Variants in GRM5 observed in about 807,000 individuals in gnomAD.
The protein encoded by GRM5 is metabotropic glutamate receptor 5.
A neutral mutation model predicts 83.1 loss-of-function variants in GRM5; 19 were observed. The observed-to-expected ratio is 0.23, with a 90% confidence interval of 0.16 to 0.34. The LOEUF (loss-of-function observed/expected upper bound fraction) is 0.34, where lower values mean the gene tolerates loss of function less well. Ranked by LOEUF, GRM5 falls within the 10% of genes least tolerant of loss-of-function variation. The pLI is 1.00. For missense variants in GRM5, 1,160 were observed against 1,588.3 expected (o/e 0.73, Z 4.58); for synonymous variants, 675 against 633.6 (o/e 1.07, Z -0.98).
At chr11:89,012,644 CGAA>C (rs879920049) in intron 2 of GRM5, among the ~76,000 whole-genome samples, 2 of 152,004 alleles carry the variant, frequency 1.3e-5, no homozygotes, top group Admixed American at 6.6e-5. Context: ...TGTCCTAATA[CGAA>C]GAAGAAGTAA....
Position 88,938,487 on chromosome 11 carries a change from A to G in GRM5, c.662-88332T>C, listed in dbSNP as rs180929317. ...AATTATTGGGTCTGTATTTAGTGTT[A>G]AACATTGTACTAATTCTTTTTATAT... On this transcript the variant is annotated intron_variant, in intron 2 of 9. Transcript: ENST00000305447. 1.4e-3 allele frequency among the ~76,000 whole-genome samples: 207 copies of G among 151,786 alleles called. 1 individual carries two copies. The highest frequency in any genetic ancestry group is 4.2e-3 in the African/African-American group (175 of 41,528).
chr11:88,844,109 G>A lies in GRM5; in HGVS notation c.911+5797C>T, dbSNP rs144326884. ...ATGCCATCTAACACTTTCTCAGCTA[G>A]AGAGGAGAAGTCAAGGCCTTGCTTC... is the stretch of plus-strand genomic sequence containing the variant. On this transcript the variant is annotated intron_variant, in intron 3 of 9. Transcript: ENST00000305447. 5.9e-3 allele frequency among the ~76,000 whole-genome samples: 904 copies of A among 152,278 alleles called. 9 individuals carry two copies. The highest frequency in any genetic ancestry group is 0.021 in the African/African-American group (870 of 41,556).
intron 3 of GRM5, among the ~76,000 whole-genome samples, chr11:88,710,302 C>T (rs1324875226): frequency 6.6e-6 from 1 of 152,048 alleles, no homozygotes; most frequent in African/African-American, 2.4e-5. Context: ...AAATAGTCTC[C>T]ACCACATCCG....
chr11:88,906,374 G>A (rs980189546), intron 2 of GRM5, among the ~76,000 whole-genome samples: 2 of 151,822 alleles, frequency 1.3e-5, no homozygotes, highest in Non-Finnish European at 2.9e-5. Context: ...GAGGACATTC[G>A]TACATAAATC....
chr11:88,800,589 A>G (rs1422162588), intron 3 of GRM5, among the ~76,000 whole-genome samples: 2 of 152,148 alleles, frequency 1.3e-5, no homozygotes, highest in African/African-American at 4.8e-5. Flanking sequence ...TATTTCATAA[A>G]TGAATGATTG....
intron 2 of GRM5, among the ~76,000 whole-genome samples, chr11:88,940,092 C>T (rs766959025): frequency 7.9e-5 from 12 of 152,060 alleles, no homozygotes; most frequent in African/African-American, 2.2e-4. Context: ...TAGTTTTAAA[C>T]GTCAGGGTTC....
At chr11:88,680,715 A>T (rs886439499) in intron 3 of GRM5, among the ~76,000 whole-genome samples, 4 of 152,308 alleles carry the variant, frequency 2.6e-5, no homozygotes, top group Middle Eastern at 3.4e-3. Context: ...AATAGCAAAG[A>T]CTTGGAACCA....
Position 88,651,780 on chromosome 11 carries a change from C to A in GRM5, c.1147+1388G>T, listed in dbSNP as rs183556511. The stretch of plus-strand genomic sequence containing the variant: ...GTGTATTATCCCACACTCCAGCATT[C>A]CTCCCTTCCCCTTCTACCCAAATAG... On this transcript the variant is annotated intron_variant, in intron 4 of 9. Coordinates refer to ENST00000305447, the MANE Select transcript of GRM5 (RefSeq NM_001143831.3). Among the ~76,000 whole-genome samples the A allele has an allele frequency of 1.8e-4, 28 of 152,144 alleles. No individual in the cohort carries two copies. The East Asian group carries it at 4.5e-3, about 24-fold the overall frequency.
chr11:88,804,556 G>C (rs1277903800), intron 3 of GRM5, among the ~76,000 whole-genome samples: 3 of 151,810 alleles, frequency 2.0e-5, no homozygotes, highest in Non-Finnish European at 2.9e-5. Context: ...GGAGCGGGGA[G>C]GGATAGCTTT....
chr11:88,779,560 C>G (rs780605444), intron 3 of GRM5, among the ~76,000 whole-genome samples: 3 of 152,012 alleles, frequency 2.0e-5, no homozygotes, highest in Non-Finnish European at 4.4e-5. Context: ...CTTTCAGAAA[C>G]AAGAGGAAAT....
Position 88,567,853 on chromosome 11 carries a change from G to C in GRM5, c.1830C>G (p.Val610=), listed in dbSNP as rs1942906202. The part of the protein sequence containing the change: ...VFIIYRDTPV[V]KSSSRELCYI... ...AGCAGAGTTCCCTGCTTGAGGACTT[G>C]ACTACTGGTGTATCACGGTAAATGA... The change falls in exon 8 of 10, where the codon GTC becomes GTG. Residue 610 remains valine (V), a synonymous_variant. Coordinates refer to ENST00000305447, the MANE Select transcript of GRM5 (RefSeq NM_001143831.3). The surrounding 1 kb of genome is among the most constrained non-coding windows in gnomAD (Gnocchi z 7.3). 1.2e-6 allele frequency: 2 copies of C among 1,613,954 alleles called. No individual in the cohort carries two copies. The highest frequency in any genetic ancestry group is 4.5e-5 in the East Asian group (2 of 44,868).
At chr11:88,519,469 T>C (rs1941619000) in intron 9 of GRM5, among the ~76,000 whole-genome samples, 1 of 152,108 alleles carries the variant, frequency 6.6e-6, no homozygotes, top group Admixed American at 6.5e-5. Context: ...AGTATGTGAA[T>C]TGCAGAATCA....
chr11:88,769,210 T>A (rs73537571), intron 3 of GRM5, among the ~76,000 whole-genome samples: 1 of 152,030 alleles, frequency 6.6e-6, no homozygotes, highest in Admixed American at 6.6e-5. Context: ...AATTTGTGGA[T>A]TGGCATGGTG....
rs567187419 is a variant in GRM5 at position 88,966,928 on chromosome 11, G to A, written c.661+80284C>T. Among the ~76,000 whole-genome samples, 7 of 152,124 alleles carry A rather than the reference G, an allele frequency of 4.6e-5. No homozygotes were observed. The South Asian group carries it at 6.2e-4, about 14-fold the overall frequency. ...TCTTTAGCAGTGTGTATGGCCCTCC[G>A]GAATAAAGACTGCATTTTCCACCAT... On this transcript the variant is annotated intron_variant, in intron 2 of 9. Transcript: ENST00000305447.
At chr11:88,795,872 G>T (rs957404842) in intron 3 of GRM5, among the ~76,000 whole-genome samples, 4 of 152,124 alleles carry the variant, frequency 2.6e-5, no homozygotes, top group Non-Finnish European at 5.9e-5. Context: ...TATTGTGTAG[G>T]AGAGCCCTGG....
At chr11:88,890,322 G>C (rs1945122550) in intron 2 of GRM5, among the ~76,000 whole-genome samples, 2 of 152,178 alleles carry the variant, frequency 1.3e-5, no homozygotes, top group Non-Finnish European at 2.9e-5. Flanking sequence ...GCCTTCAGCT[G>C]TGCCTACTTA....
At chr11:88,753,968 G>A (rs1942340549) in intron 3 of GRM5, among the ~76,000 whole-genome samples, 2 of 152,046 alleles carry the variant, frequency 1.3e-5, no homozygotes, top group Admixed American at 1.3e-4. Context: ...GCACGGGAAA[G>A]ACCTGCCCCC....
At chr11:88,698,888 A>G (rs74950924) in intron 3 of GRM5, among the ~76,000 whole-genome samples, 4 of 152,200 alleles carry the variant, frequency 2.6e-5, no homozygotes, top group Admixed American at 1.3e-4. Context: ...TTATGAATGT[A>G]TGGTGGATTG....
At chr11:88,865,437 T>C (rs539693698) in intron 2 of GRM5, among the ~76,000 whole-genome samples, 2 of 152,126 alleles carry the variant, frequency 1.3e-5, no homozygotes, top group African/African-American at 4.8e-5. Context: ...TTAAAAGTAA[T>C]ACCTAAAACC....
Sources: gnomAD v4.1 joint callset for allele counts (sites outside exome capture counted in the v4.1 genomes callset) on GRCh38, gnomAD v4.1.1 for gene constraint, Gnocchi (gnomAD v3.1) non-coding constraint, MANE v1.5 for transcripts, NCBI Gene and HGNC (gene_info 2026-07-23, HGNC 2026-07-21) for gene names.